PCDHGA2: variants seen among roughly 807,000 people sequenced by gnomAD.
PCDHGA2 encodes protocadherin gamma-A2.
A neutral mutation model predicts 59.2 loss-of-function variants in PCDHGA2; 40 were observed. The ratio of observed to expected loss-of-function variants is 0.68; its 90% CI spans 0.52 to 0.88. PCDHGA2 has a LOEUF of 0.88. Ranked by LOEUF, PCDHGA2 falls within the 40% of genes least tolerant of loss-of-function variation. PCDHGA2 has a pLI of 0.00. For synonymous variants in PCDHGA2, 560 were observed against 526.0 expected, an observed-to-expected ratio of 1.06 and a Z score of -0.89; for missense variants, 1,226 against 1,204.0, an observed-to-expected ratio of 1.02 and a Z score of -0.27.
chr5:141,340,411 C>T lies in PCDHGA2; in HGVS notation c.1440C>T (p.Asp480=), dbSNP rs778832518. 57 of 1,614,098 alleles carry T rather than the reference C, an allele frequency of 3.5e-5. 1 individual carries two copies. The highest frequency in any genetic ancestry group is 4.2e-6 in the Non-Finnish European group (5 of 1,180,058). ...SVFSVTAHDP[D]SNDNAHVTYS... is the part of the protein sequence containing the mutation. ...TCTCAGTGACGGCCCATGACCCCGA[C>T]AGCAACGACAATGCTCATGTAACTT... Residue 480 remains aspartate (D), a synonymous_variant, in exon 1 of 4, where the codon GAC becomes GAT. Coordinates refer to ENST00000394576, the MANE Select transcript of PCDHGA2 (RefSeq NM_018915.4).
intron 1 of PCDHGA2, among the ~76,000 whole-genome samples, chr5:141,459,095 G>A (rs61275874): frequency 0.28 from 42,440 of 152,066 alleles, 6,652 homozygotes; most frequent in African/African-American, 0.43. Context: ...ATTATACAGT[G>A]CAATGCATTT....
intron 1 of PCDHGA2, chr5:141,384,805 G>T (rs1314252403): frequency 6.2e-7 from 1 of 1,613,506 alleles, no homozygotes; most frequent in Admixed American, 1.7e-5. Context: ...GCTGGACAGA[G>T]ATGCCCTCAA....
chr5:141,490,042 G>A lies in PCDHGA2; in HGVS notation c.2425-4765G>A. On this transcript the variant is annotated intron_variant, in intron 1 of 3. Transcript: ENST00000394576. This position sits in a 1 kb window ranked among gnomAD's most constrained non-coding sequence, Gnocchi z 5.4. ...TCTGCTGCTCCGCCTCAATGCCACT[G>A]ATCCAGACGAGGGCACCAACGGCCA... The A allele has an allele frequency of 6.2e-7, 1 of 1,614,266 alleles. No homozygotes were observed. Among genetic ancestry groups the A allele is most frequent in the Non-Finnish European group, 8.5e-7 (1 of 1,180,038 alleles).
At chr5:141,371,007 C>A in intron 1 of PCDHGA2, 1 of 1,613,962 alleles carries the variant, frequency 6.2e-7, no homozygotes, top group South Asian at 1.1e-5. Flanking sequence ...CAGGGAAGAG[C>A]AGCCACATCA....
intron 1 of PCDHGA2, chr5:141,365,839 C>T (rs1212060265): frequency 1.9e-6 from 3 of 1,613,840 alleles, no homozygotes; most frequent in Non-Finnish European, 2.5e-6. Context: ...CCTTGTCCTC[C>T]TATGTATCCA....
intron 1 of PCDHGA2, chr5:141,409,801 G>A: frequency 1.2e-6 from 2 of 1,611,946 alleles, no homozygotes; most frequent in South Asian, 2.2e-5. Context: ...TCACGCTGCA[G>A]GCCCGCGACC....
intron 1 of PCDHGA2, chr5:141,423,156 C>T (rs62378456): frequency 0.034 from 55,171 of 1,613,388 alleles, 1,070 homozygotes; most frequent in Middle Eastern, 0.098. Context: ...AGCAGAGCCT[C>T]GTGGTGGCCG....
At chr5:141,366,058 G>A in intron 1 of PCDHGA2, 2 of 1,614,242 alleles carry the variant, frequency 1.2e-6, no homozygotes, top group Non-Finnish European at 1.7e-6. Context: ...CGGGCGTGGA[G>A]CTGGCGCCTC....
Position 141,356,987 on chromosome 5 carries a change from G to A in PCDHGA2, c.2424+15592G>A, listed in dbSNP as rs146063218. On this transcript the variant is annotated intron_variant, in intron 1 of 3. Transcript: ENST00000394576. The stretch of plus-strand genomic sequence containing the variant: ...GTGACCAAAGTGGTGGCAGTGGACA[G>A]AGACTCAGGTCAGAATGCCTGGCTG... The A allele has an allele frequency of 5.2e-3, 8,384 of 1,614,186 alleles. 46 individuals carry two copies. Among genetic ancestry groups the A allele is most frequent in the Admixed American group, 9.4e-3 (566 of 60,032 alleles).
At chr5:141,381,271 T>G (rs1366742753) in intron 1 of PCDHGA2, among the ~76,000 whole-genome samples, 1 of 152,252 alleles carries the variant, frequency 6.6e-6, no homozygotes, top group Non-Finnish European at 1.5e-5. Context: ...CCAAGACTGT[T>G]TCTTGCCAGG....
rs761264372 is a variant in PCDHGA2 at position 141,489,500 on chromosome 5, A to G, written c.2425-5307A>G. 12 of 1,614,112 alleles carry G rather than the reference A, an allele frequency of 7.4e-6. No individual in the cohort carries two copies. In the South Asian group the frequency reaches 1.3e-4, roughly 18 times the overall value. On this transcript the variant is annotated intron_variant, in intron 1 of 3. Coordinates refer to ENST00000394576, the MANE Select transcript of PCDHGA2 (RefSeq NM_018915.4). This position sits in a 1 kb window ranked among gnomAD's most constrained non-coding sequence, Gnocchi z 4.5. ...TTGATGAGTGGTGCCCTGGCAGTGA[A>G]TCAAAAGATTGACCGAGAAAGCCTA...
At chr5:141,356,605 G>A in intron 1 of PCDHGA2, 1 of 1,614,126 alleles carries the variant, frequency 6.2e-7, no homozygotes, top group Non-Finnish European at 8.5e-7. Flanking sequence ...CCCCAGAGGA[G>A]CCTCCATCTT....
intron 1 of PCDHGA2, among the ~76,000 whole-genome samples, chr5:141,471,996 G>A (rs2099268647): frequency 6.6e-6 from 1 of 152,006 alleles, no homozygotes; most frequent in Admixed American, 6.6e-5. Context: ...AAAAATCCCT[G>A]CATCGTATAG....
intron 1 of PCDHGA2, chr5:141,441,809 C>A: frequency 2.7e-6 from 1 of 373,176 alleles, no homozygotes; most frequent in East Asian, 9.0e-5. Context: ...GGGTGCTGTA[C>A]CCCAGCTCTG....
intron 1 of PCDHGA2, chr5:141,365,152 C>T (rs747695499): frequency 1.2e-6 from 2 of 1,613,880 alleles, no homozygotes; most frequent in Non-Finnish European, 1.7e-6. Flanking sequence ...AGGGAATAAA[C>T]GGGAAATTGA....
intron 1 of PCDHGA2, chr5:141,352,375 A>G (rs777856630): frequency 3.1e-6 from 5 of 1,613,806 alleles, no homozygotes; most frequent in African/African-American, 1.3e-5. Context: ...CGGTGATTCT[A>G]GCGATCGCCC....
intron 1 of PCDHGA2, chr5:141,403,365 T>A: frequency 6.2e-7 from 1 of 1,614,024 alleles, no homozygotes; most frequent in Non-Finnish European, 8.5e-7. Context: ...GCCGAAAGTC[T>A]GGAAGTAAAA....
chr5:141,475,547 G>A (rs2099364977), intron 1 of PCDHGA2, among the ~76,000 whole-genome samples: 1 of 152,176 alleles, frequency 6.6e-6, no homozygotes, highest in Non-Finnish European at 1.5e-5. Context: ...AGTAGGGTCC[G>A]GCTAATTGTC....
chr5:141,366,302 TTCACGG>T, intron 1 of PCDHGA2: 1 of 1,613,768 alleles, frequency 6.2e-7, no homozygotes, highest in Non-Finnish European at 8.5e-7. Flanking sequence ...GTCAGCCACC[TTCACGG>T]TCACCGTTGC....
Sources: allele counts gnomAD v4.1 joint callset (sites outside exome capture counted in the v4.1 genomes callset), GRCh38; gene constraint gnomAD v4.1.1; non-coding constraint Gnocchi (gnomAD v3.1); transcripts MANE v1.5; gene names NCBI Gene and HGNC (gene_info 2026-07-23, HGNC 2026-07-21).